SRBD1: variants seen among roughly 807,000 people sequenced by gnomAD.
The protein encoded by SRBD1 is S1 RNA-binding domain-containing protein 1.
Under a neutral mutation model 115.3 loss-of-function variants are expected in SRBD1, and 88 were observed. The ratio of observed to expected loss-of-function variants is 0.76; its 90% CI spans 0.64 to 0.91. The LOEUF (loss-of-function observed/expected upper bound fraction) is 0.91. SRBD1 is among the 40% of genes least tolerant of loss of function. The pLI, the probability that SRBD1 is intolerant of heterozygous loss-of-function variation, is 0.00. For missense variants in SRBD1, 1,385 were observed against 1,177.4 expected, an observed-to-expected ratio of 1.18 and a Z score of -2.58; for synonymous variants, 509 against 407.7, an observed-to-expected ratio of 1.25 and a Z score of -2.99.
At position 45,480,320 on chromosome 2, in the gene SRBD1, G is replaced by C. The variant is rs1027207893; in HGVS notation, c.1967-3245C>G. On this transcript the variant is annotated intron_variant, in intron 15 of 20. Transcript: ENST00000263736. ...TTCTCTGAGGATCTGGGCAAAGTAC[G>C]TTGAAAATCTTTGGAAAAGGATTTA... 5.9e-5 allele frequency among the ~76,000 whole-genome samples: 9 copies of C among 152,244 alleles called. No individual in the cohort carries two copies. In the South Asian group the frequency reaches 1.2e-3, roughly 21 times the overall value.
intron 5 of SRBD1, among the ~76,000 whole-genome samples, chr2:45,585,004 G>A (rs1251536065): frequency 6.6e-6 from 1 of 152,100 alleles, no homozygotes; most frequent in East Asian, 1.9e-4. Flanking sequence ...TACAAAATTA[G>A]TGGGGCGTGG....
intron 2 of SRBD1, 55 bp downstream of exon 2, chr2:45,605,307 T>A: frequency 6.5e-7 from 1 of 1,538,506 alleles, no homozygotes; most frequent in Non-Finnish European, 8.9e-7. Context: ...AATGCATTAC[T>A]CCTTATTAAA....
chr2:45,470,050 G>A (rs538723642), intron 16 of SRBD1, among the ~76,000 whole-genome samples: 19 of 152,254 alleles, frequency 1.2e-4, no homozygotes, highest in Admixed American at 2.6e-4. Flanking sequence ...CTAGGTGACC[G>A]GGCATGGGAC....
chr2:45,514,821 T>C (rs1671072025), intron 14 of SRBD1, among the ~76,000 whole-genome samples: 1 of 152,194 alleles, frequency 6.6e-6, no homozygotes, highest in South Asian at 2.1e-4. Flanking sequence ...CTTAAACCAC[T>C]TTTAAAATTA....
At chr2:45,497,953 G>C (rs1408698975) in intron 14 of SRBD1, among the ~76,000 whole-genome samples, 1 of 152,078 alleles carries the variant, frequency 6.6e-6, no homozygotes, top group Non-Finnish European at 1.5e-5. Flanking sequence ...AGAATCGCTT[G>C]AGATCGCACC....
At chr2:45,590,782 C>A (rs1351426132) in intron 4 of SRBD1, among the ~76,000 whole-genome samples, 1 of 152,164 alleles carries the variant, frequency 6.6e-6, no homozygotes, top group Non-Finnish European at 1.5e-5. Flanking sequence ...TTTGGGAGGC[C>A]GAGGCGTGCG....
intron 19 of SRBD1, among the ~76,000 whole-genome samples, chr2:45,402,193 T>A (rs950896676): frequency 2.0e-5 from 3 of 152,200 alleles, no homozygotes; most frequent in Non-Finnish European, 4.4e-5. Context: ...TATTCATTTA[T>A]CTCATGACGG....
intron 10 of SRBD1, among the ~76,000 whole-genome samples, chr2:45,558,658 C>G (rs891674756): frequency 6.8e-6 from 1 of 147,420 alleles, no homozygotes; most frequent in African/African-American, 2.5e-5. Flanking sequence ...ACTATATCAT[C>G]TACCTTATTG....
At chr2:45,488,081 A>T (rs1210937219) in intron 15 of SRBD1, among the ~76,000 whole-genome samples, 159 bp downstream of exon 15, 1 of 152,084 alleles carries the variant, frequency 6.6e-6, no homozygotes, top group African/African-American at 2.4e-5. Context: ...CATAATTTCA[A>T]TTATTAGTCC....
At chr2:45,450,594 A>T (rs1345583881) in intron 16 of SRBD1, among the ~76,000 whole-genome samples, 1 of 152,144 alleles carries the variant, frequency 6.6e-6, no homozygotes, top group Non-Finnish European at 1.5e-5. Flanking sequence ...AGTCCATTAG[A>T]TGTTCAAGGG....
chr2:45,409,565 T>C (rs1667536979), intron 19 of SRBD1, among the ~76,000 whole-genome samples: 1 of 150,652 alleles, frequency 6.6e-6, no homozygotes, highest in Non-Finnish European at 1.5e-5. Flanking sequence ...GCATGAAGAT[T>C]AAAATGGAGG....
At chr2:45,413,013 A>G in intron 19 of SRBD1, 101 bp downstream of exon 19, 2 of 1,332,626 alleles carry the variant, frequency 1.5e-6, no homozygotes, top group Non-Finnish European at 2.0e-6. Context: ...GTCACATTAA[A>G]CGGTCATATT....
intron 16 of SRBD1, among the ~76,000 whole-genome samples, chr2:45,462,731 C>T (rs1361342895): frequency 6.6e-6 from 1 of 151,420 alleles, no homozygotes; most frequent in Non-Finnish European, 1.5e-5. Flanking sequence ...GAGGCTGAGG[C>T]AGGAGAATGG....
At chr2:45,571,326 A>G (rs886081867) in intron 9 of SRBD1, among the ~76,000 whole-genome samples, 1 of 151,882 alleles carries the variant, frequency 6.6e-6, no homozygotes, top group African/African-American at 2.4e-5. Flanking sequence ...TCTGTTAAAT[A>G]ACTAGATGGT....
chr2:45,430,250 T>A (rs553306695), intron 16 of SRBD1, among the ~76,000 whole-genome samples: 2 of 152,094 alleles, frequency 1.3e-5, no homozygotes, highest in Non-Finnish European at 2.9e-5. Flanking sequence ...ATCCCCCCCA[T>A]CAAGCTACCA....
intron 19 of SRBD1, among the ~76,000 whole-genome samples, chr2:45,398,047 C>T (rs933070995): frequency 3.3e-5 from 5 of 152,156 alleles, no homozygotes; most frequent in African/African-American, 1.2e-4. Flanking sequence ...TGTTGTACTA[C>T]AGAAGCTAAC....
chr2:45,410,099 T>A (rs913350614), intron 19 of SRBD1, among the ~76,000 whole-genome samples: 1 of 152,178 alleles, frequency 6.6e-6, no homozygotes, highest in Non-Finnish European at 1.5e-5. Flanking sequence ...CCAAATAATA[T>A]GAACAAATAT....
intron 9 of SRBD1, among the ~76,000 whole-genome samples, chr2:45,566,530 T>C (rs1672836320): frequency 1.3e-5 from 2 of 152,200 alleles, no homozygotes; most frequent in Non-Finnish European, 2.9e-5. Flanking sequence ...GAAAGTTGGC[T>C]GCCTAGAGCT....
At chr2:45,563,851 C>T (rs1461998295) in intron 9 of SRBD1, among the ~76,000 whole-genome samples, 1 of 152,094 alleles carries the variant, frequency 6.6e-6, no homozygotes, top group Non-Finnish European at 1.5e-5. Context: ...ATGGCACCAC[C>T]ATTGAATTCT....
Sources: allele counts gnomAD v4.1 joint callset (sites outside exome capture counted in the v4.1 genomes callset), GRCh38; gene constraint gnomAD v4.1.1; transcripts MANE v1.5; gene names NCBI Gene and HGNC (gene_info 2026-07-23, HGNC 2026-07-21).